Variants in VPS13A observed in about 807,000 individuals in gnomAD.
VPS13A encodes the protein vacuolar protein sorting 13 homolog A.
In VPS13A, 264 loss-of-function variants were observed where a neutral mutation model predicts 390.9. The observed-to-expected ratio is 0.68, with a 90% confidence interval of 0.61 to 0.75. VPS13A has a LOEUF of 0.75. Among genes scored for constraint, VPS13A ranks in the 30% least tolerant of loss-of-function variants. VPS13A has a pLI of 0.00. For missense variants in VPS13A, 3,409 were observed against 3,733.9 expected (o/e 0.91, Z 2.27); for synonymous variants, 1,231 against 1,227.1 (o/e 1.00, Z -0.07).
chr9:77,397,266 G>A (rs899739475), intron 68 of VPS13A, among the ~76,000 whole-genome samples: 20 of 152,126 alleles, frequency 1.3e-4, no homozygotes, highest in African/African-American at 4.8e-4. Flanking sequence ...TGGGATTACA[G>A]GTGTGAGCCA....
Position 77,275,533 on chromosome 9 carries a change from C to A in VPS13A, c.2548C>A (p.Pro850Thr), listed in dbSNP as rs1178278976. Reference sequence around the variant, plus strand: ...GGAATTTTTTGATGCACCATGTAGTCCCTTGGAAGAACCTCTTCAGTTTCC... The same window carrying A: ...GGAATTTTTTGATGCACCATGTAGTACCTTGGAAGAACCTCTTCAGTTTCC... ...EEEFFDAPCSPLEEPLQFPTG... is the reference protein window; with the variant it reads ...EEEFFDAPCSTLEEPLQFPTG... Residue 850 changes from proline to threonine, a missense_variant, in exon 25 of 72, where the codon CCC (proline) becomes ACC (threonine). Pro to Thr is a conservative substitution (Grantham distance 38). Around this residue, in one of 5 missense-constraint regions of VPS13A, gnomAD observed 2,717 missense variants for 2,917.4 expected, o/e 0.93. Coordinates refer to ENST00000360280, the MANE Select transcript of VPS13A (RefSeq NM_033305.3). 6.2e-7 allele frequency: 1 copy of A among 1,613,674 alleles called. No individual in the cohort carries two copies. The highest frequency in any genetic ancestry group is 1.7e-5 in the Admixed American group (1 of 59,994).
chr9:77,340,002 T>G (rs1441868579), intron 48 of VPS13A, 91 bp downstream of exon 48: 16 of 1,491,514 alleles, frequency 1.1e-5, no homozygotes. Context: ...TTATGAAACT[T>G]GGATAGAAAT....
rs777427530 is a variant in VPS13A, at chr9:77,225,902, C to T, written c.1162-24C>T. The T allele has an allele frequency of 1.9e-6, 3 of 1,570,166 alleles. No individual in the cohort carries two copies. In the South Asian group the frequency reaches 3.3e-5, roughly 17 times the overall value. Reference sequence around the variant, plus strand: ...TGTAAAGTTATTTTTGTAAAGTTAACACATTTTTGTTTATATTTTTCAGGA... The same window carrying T: ...TGTAAAGTTATTTTTGTAAAGTTAATACATTTTTGTTTATATTTTTCAGGA... On this transcript the variant is annotated intron_variant, in intron 13 of 71. Coordinates refer to ENST00000360280, the MANE Select transcript of VPS13A (RefSeq NM_033305.3).
chr9:77,379,065 C>CTTTTTTTTTTT lies in VPS13A; in HGVS notation c.9078-2897_9078-2887dup, dbSNP rs71503211. 5.8e-4 allele frequency among the ~76,000 whole-genome samples: 42 copies of CTTTTTTTTTTT among 72,408 alleles called. 3 individuals carry two copies. Among genetic ancestry groups the CTTTTTTTTTTT allele is most frequent in the African/African-American group, 9.0e-4 (15 of 16,680 alleles). 47.5% of individuals were successfully genotyped at this position (72,408 alleles called of 152,430 possible). ...GTATCATACTTGTATATTTTCAGTC[C>CTTTTTTTTTTT]TTTTTTTTTTTTTTTTTTTTTTTTG... On this transcript the variant is annotated intron_variant, in intron 67 of 71. Coordinates refer to ENST00000360280, the MANE Select transcript of VPS13A (RefSeq NM_033305.3).
chr9:77,207,383 T>C (rs1825742950), intron 5 of VPS13A, among the ~76,000 whole-genome samples: 1 of 149,580 alleles, frequency 6.7e-6, no homozygotes, highest in South Asian at 2.1e-4. Context: ...ATATATAATA[T>C]ATAACGTGTA....
intron 46 of VPS13A, among the ~76,000 whole-genome samples, chr9:77,334,418 T>A (rs988022837): frequency 6.6e-6 from 1 of 152,218 alleles, no homozygotes; most frequent in Non-Finnish European, 1.5e-5. Flanking sequence ...ATTATCTTTC[T>A]TTCCTGTTTT....
At chr9:77,272,196 A>G (rs1826388709) in intron 23 of VPS13A, among the ~76,000 whole-genome samples, 1 of 152,304 alleles carries the variant, frequency 6.6e-6, no homozygotes, top group East Asian at 1.9e-4. Flanking sequence ...GACATGGCCA[A>G]TGAGACTGAT....
At chr9:77,196,095 A>G (rs1217537434) in intron 1 of VPS13A, among the ~76,000 whole-genome samples, 1 of 151,662 alleles carries the variant, frequency 6.6e-6, no homozygotes, top group African/African-American at 2.4e-5. Flanking sequence ...ATATTTGTTC[A>G]TTGTTCTGTT....
intron 57 of VPS13A, 67 bp downstream of exon 57, chr9:77,358,505 A>T: frequency 7.5e-7 from 1 of 1,339,782 alleles, no homozygotes; most frequent in Non-Finnish European, 1.1e-6. Context: ...TTTACTATAA[A>T]AATATGAAGT....
In VPS13A at chr9:77,318,216, T is replaced by C. The variant is rs200810421; in HGVS notation, c.4957-19T>C. 12 of 1,469,624 alleles carry C rather than the reference T, an allele frequency of 8.2e-6. No homozygotes were observed. Among genetic ancestry groups the C allele is most frequent in the Admixed American group, 3.7e-5 (2 of 54,346 alleles). The allele number at this position is 1,469,624 out of a possible 1,614,324, so 91.0% of individuals were successfully genotyped here. A position where few individuals can be genotyped will look rare whatever the true frequency, so the allele number is the denominator to read the frequency against. On this transcript the variant is annotated intron_variant, in intron 40 of 71. Transcript: ENST00000360280. ...TTTGAAAGTGTTTTGTATAGACTTATTAATTTTTTTCCATTTAGGTTTCAC... is the reference window on the plus strand; with the variant it reads ...TTTGAAAGTGTTTTGTATAGACTTACTAATTTTTTTCCATTTAGGTTTCAC...
At chr9:77,407,478 A>C (rs999503741) in intron 70 of VPS13A, 55 bp from the exon 71 acceptor site, 1 of 1,443,192 alleles carries the variant, frequency 6.9e-7, no homozygotes, top group Non-Finnish European at 9.7e-7. Flanking sequence ...GCATTTCTTT[A>C]TGGATTTTTA....
intron 71 of VPS13A, among the ~76,000 whole-genome samples, chr9:77,415,189 C>G (rs1366900518): frequency 6.6e-6 from 1 of 152,190 alleles, no homozygotes. Context: ...TTCAATTTAC[C>G]TGCAATAAAG....
intron 17 of VPS13A, among the ~76,000 whole-genome samples, chr9:77,236,231 C>T (rs1199557491): frequency 6.6e-6 from 1 of 152,100 alleles, no homozygotes; most frequent in Non-Finnish European, 1.5e-5. Flanking sequence ...TACTTTTCAC[C>T]TTCAAAATTT....
At chr9:77,401,329 T>TGTG (rs1834383525) in intron 68 of VPS13A, among the ~76,000 whole-genome samples, 1 of 140,432 alleles carries the variant, frequency 7.1e-6, no homozygotes, top group African/African-American at 2.6e-5. Flanking sequence ...TCACATGAAG[T>TGTG]TGTGTGTGTG....
chr9:77,177,971 C>T, intron 1 of VPS13A, 167 bp downstream of exon 1: 2 of 610,202 alleles, frequency 3.3e-6, no homozygotes, highest in Non-Finnish European at 5.8e-6. Context: ...GCGGCAGTTC[C>T]CTGGCCTCCG....
At chr9:77,323,665 G>A (rs531709434) in intron 45 of VPS13A, among the ~76,000 whole-genome samples, 1 of 152,140 alleles carries the variant, frequency 6.6e-6, no homozygotes, top group South Asian at 2.1e-4. Flanking sequence ...TCACAGTCAC[G>A]GTAATGAACA....
At chr9:77,325,832 G>T (rs927573368) in intron 45 of VPS13A, among the ~76,000 whole-genome samples, 1 of 152,002 alleles carries the variant, frequency 6.6e-6, no homozygotes, top group Non-Finnish European at 1.5e-5. Context: ...GTCTATGTAT[G>T]CTAGCCACCC....
intron 71 of VPS13A, among the ~76,000 whole-genome samples, chr9:77,414,845 C>A (rs1430637174): frequency 6.6e-6 from 1 of 152,080 alleles, no homozygotes; most frequent in African/African-American, 2.4e-5. Context: ...AGATCCCTGG[C>A]CTCCTGCACT....
rs568396909 is a variant in VPS13A at position 77,216,311 on chromosome 9, G to C, written c.754+1925G>C. Among the ~76,000 whole-genome samples, 3 of 152,322 alleles carry C rather than the reference G, an allele frequency of 2.0e-5. No individual in the cohort carries two copies. The South Asian group carries it at 6.2e-4, about 32-fold the overall frequency. ...AAATTGATAACTGGCATACCTGTTG[G>C]AGAGCGAAGGGGGAATGAAGGGTTT... is the stretch of plus-strand genomic sequence containing the variant. On this transcript the variant is annotated intron_variant, in intron 10 of 71. Transcript: ENST00000360280.
Sources: allele counts gnomAD v4.1 joint callset (sites outside exome capture counted in the v4.1 genomes callset), GRCh38; gene constraint gnomAD v4.1.1; regional missense constraint gnomAD v4.1.1; transcripts MANE v1.5; gene names NCBI Gene and HGNC (gene_info 2026-07-23, HGNC 2026-07-21).